PSD3: variants seen among roughly 807,000 people sequenced by gnomAD.
PSD3 encodes the protein PH and SEC7 domain-containing protein 3.
PSD3 carries 49 observed loss-of-function variants against 105.5 expected under a neutral mutation model. That is an observed-to-expected ratio of 0.46 (90% CI 0.37 to 0.59). The LOEUF (loss-of-function observed/expected upper bound fraction) is 0.59. PSD3 is among the 20% of genes least tolerant of loss of function. The pLI, the probability that PSD3 is intolerant of heterozygous loss-of-function variation, is 0.00. For missense variants in PSD3, 1,561 were observed against 1,263.8 expected, an observed-to-expected ratio of 1.24 and a Z score of -3.57; for synonymous variants, 557 against 457.8, an observed-to-expected ratio of 1.22 and a Z score of -2.77.
At chr8:18,726,613 T>C (rs569935125) in intron 9 of PSD3, among the ~76,000 whole-genome samples, 5 of 152,332 alleles carry the variant, frequency 3.3e-5, no homozygotes, top group Non-Finnish European at 7.3e-5. Flanking sequence ...AACAATTCTA[T>C]CTTCTCATCT....
intron 1 of PSD3, among the ~76,000 whole-genome samples, chr8:19,078,027 G>GA (rs969316370): frequency 1.1e-4 from 16 of 151,260 alleles, no homozygotes; most frequent in South Asian, 2.1e-4. Flanking sequence ...AATCTACAAG[G>GA]AAAAAAAAAT....
intron 1 of PSD3, among the ~76,000 whole-genome samples, chr8:19,083,402 G>A (rs759228371): frequency 1.6e-4 from 25 of 152,316 alleles, no homozygotes; most frequent in Non-Finnish European, 2.4e-4. Flanking sequence ...GGGCAGGCAA[G>A]GCCATGATCA....
chr8:18,630,110 T>C (rs1806786841), intron 11 of PSD3, among the ~76,000 whole-genome samples: 1 of 151,758 alleles, frequency 6.6e-6, no homozygotes, highest in Non-Finnish European at 1.5e-5. Context: ...ATATTTTCCC[T>C]TTGGTTCTGA....
intron 1 of PSD3, chr8:18,989,483 T>C (rs1586586690): frequency 6.6e-6 from 1 of 152,120 alleles, no homozygotes; most frequent in Non-Finnish European, 1.5e-5. Context: ...AAACACAGAT[T>C]TTAGTCAGGA....
chr8:18,652,383 GA>G (rs1298402476), intron 10 of PSD3, among the ~76,000 whole-genome samples: 1 of 151,640 alleles, frequency 6.6e-6, no homozygotes, highest in Non-Finnish European at 1.5e-5. Context: ...ATAATATGAG[GA>G]AAATGGGTCA....
intron 8 of PSD3, among the ~76,000 whole-genome samples, chr8:18,787,422 C>T (rs1809271717): frequency 6.6e-6 from 1 of 152,072 alleles, no homozygotes; most frequent in Non-Finnish European, 1.5e-5. Flanking sequence ...AGCTCTGGAT[C>T]ATTACCTTTA....
chr8:18,702,935 G>T (rs1203815281), intron 9 of PSD3, among the ~76,000 whole-genome samples: 1 of 152,000 alleles, frequency 6.6e-6, no homozygotes, highest in African/African-American at 2.4e-5. Flanking sequence ...CTTTATAAGA[G>T]GCATTTTACT....
chr8:18,717,689 C>T (rs1017601870), intron 9 of PSD3, among the ~76,000 whole-genome samples: 8 of 152,226 alleles, frequency 5.3e-5, no homozygotes, highest in African/African-American at 1.9e-4. Context: ...ACTATAACCA[C>T]TTGAGTCAAC....
chr8:18,932,627 T>C (rs1821822205), intron 2 of PSD3, among the ~76,000 whole-genome samples: 1 of 152,224 alleles, frequency 6.6e-6, no homozygotes, highest in African/African-American at 2.4e-5. Context: ...TTTAGTCATG[T>C]TCTTTAATAC....
chr8:18,999,483 G>C (rs1489070078), intron 1 of PSD3, among the ~76,000 whole-genome samples: 1 of 151,854 alleles, frequency 6.6e-6, no homozygotes, highest in Admixed American at 6.6e-5. Context: ...CACCTGAATG[G>C]ATTTGTCCTG....
chr8:18,716,267 C>A (rs543276404), intron 9 of PSD3, among the ~76,000 whole-genome samples: 30 of 152,338 alleles, frequency 2.0e-4, no homozygotes, highest in African/African-American at 6.3e-4. Context: ...TCACCTTACA[C>A]ACCTCATATG....
intron 8 of PSD3, among the ~76,000 whole-genome samples, chr8:18,779,178 T>C (rs13277215): frequency 0.43 from 65,822 of 152,002 alleles, 17,950 homozygotes; most frequent in Non-Finnish European, 0.61. Context: ...TGGCCAAATA[T>C]TGGTAGTTTC....
intron 1 of PSD3, among the ~76,000 whole-genome samples, chr8:19,080,344 G>A (rs1157972135): frequency 6.6e-6 from 1 of 152,170 alleles, no homozygotes; most frequent in African/African-American, 2.4e-5. Context: ...AGAGGCCACA[G>A]AACTAGTTTG....
In PSD3 at chr8:18,618,985, A is replaced by G. The variant is rs569535714; in HGVS notation, c.2410+13628T>C. On this transcript the variant is annotated intron_variant, in intron 11 of 15. Coordinates refer to ENST00000327040, the MANE Select transcript of PSD3 (RefSeq NM_015310.4). Reference sequence around the variant, plus strand: ...TAATTCAGTTCTCAGCCGAGTAACAAGGCATATCCTCTATCTCTACTCCTC... The same window carrying G: ...TAATTCAGTTCTCAGCCGAGTAACAGGGCATATCCTCTATCTCTACTCCTC... 4.5e-4 allele frequency among the ~76,000 whole-genome samples: 68 copies of G among 152,294 alleles called. 2 individuals carry two copies. The South Asian group carries it at 0.014, about 32-fold the overall frequency.
intron 2 of PSD3, among the ~76,000 whole-genome samples, chr8:18,911,209 C>T (rs964128762): frequency 2.6e-5 from 4 of 152,150 alleles, no homozygotes; most frequent in Admixed American, 6.5e-5. Flanking sequence ...CCTCAAACCA[C>T]AGGGAGACAC....
intron 15 of PSD3, among the ~76,000 whole-genome samples, chr8:18,550,386 T>C (rs1800687974): frequency 6.6e-6 from 1 of 152,230 alleles, no homozygotes; most frequent in Non-Finnish European, 1.5e-5. Flanking sequence ...AAGGATCATG[T>C]CTGTATTATT....
At chr8:18,790,469 A>AT (rs1346446262) in intron 8 of PSD3, among the ~76,000 whole-genome samples, 12 of 151,606 alleles carry the variant, frequency 7.9e-5, no homozygotes, top group African/African-American at 2.7e-4. Flanking sequence ...TGCCTGGCTA[A>AT]TTTTTTGTAT....
At chr8:18,833,605 T>C (rs1226491658) in intron 4 of PSD3, among the ~76,000 whole-genome samples, 1 of 152,172 alleles carries the variant, frequency 6.6e-6, no homozygotes, top group Non-Finnish European at 1.5e-5. Context: ...TTTCCACTAG[T>C]TTCATTCCTG....
intron 10 of PSD3, among the ~76,000 whole-genome samples, chr8:18,650,132 T>C (rs764673120): frequency 1.3e-5 from 2 of 152,218 alleles, no homozygotes; most frequent in African/African-American, 4.8e-5. Flanking sequence ...GAGAGGAACA[T>C]TAATTTTCCT....
Sources: gnomAD v4.1 joint callset for allele counts (sites outside exome capture counted in the v4.1 genomes callset) on GRCh38, gnomAD v4.1.1 for gene constraint, MANE v1.5 for transcripts, NCBI Gene and HGNC (gene_info 2026-07-23, HGNC 2026-07-21) for gene names.